Variants in SUMF1 observed in about 807,000 individuals in gnomAD.
The protein encoded by SUMF1 is formylglycine-generating enzyme.
A neutral mutation model predicts 47.6 loss-of-function variants in SUMF1; 48 were observed. The observed-to-expected ratio is 1.01, with a 90% confidence interval of 0.80 to 1.28. The LOEUF is 1.28. Among genes scored for constraint, SUMF1 ranks in the 50% most tolerant of loss-of-function variants. The probability of loss-of-function intolerance (pLI) is 0.00; values close to 1 mark genes in which losing one functional copy is unlikely to be tolerated. For synonymous variants in SUMF1, 230 were observed against 192.1 expected (o/e 1.20, Z -1.63); for missense variants, 571 against 485.4 (o/e 1.18, Z -1.66).
chr3:4,046,278 G>T (rs375209110), intron 9 of SUMF1, among the ~76,000 whole-genome samples: 6 of 152,074 alleles, frequency 3.9e-5, no homozygotes, highest in Non-Finnish European at 7.4e-5. Flanking sequence ...AGAAGCTTTC[G>T]TACCTAAGAA....
intron 8 of SUMF1, among the ~76,000 whole-genome samples, chr3:4,149,472 C>T (rs563667090): frequency 1.3e-5 from 2 of 152,252 alleles, no homozygotes; most frequent in South Asian, 4.1e-4. Context: ...TCTACCACAT[C>T]CCCACATGGT....
intron 8 of SUMF1, among the ~76,000 whole-genome samples, chr3:4,212,290 C>T (rs1324460538): frequency 6.6e-6 from 1 of 152,116 alleles, no homozygotes; most frequent in Non-Finnish European, 1.5e-5. Flanking sequence ...AGGCAAACAG[C>T]ATCGGGAGTG....
chr3:4,337,887 G>C (rs1242666831), intron 8 of SUMF1, among the ~76,000 whole-genome samples: 3 of 146,660 alleles, frequency 2.0e-5, no homozygotes, highest in Non-Finnish European at 4.5e-5. Context: ...TTTCCTCTCA[G>C]TAATCACCTC....
exon 9 of SUMF1, chr3:4,068,668 C>T (rs1043253380): frequency 2.0e-5 from 9 of 452,278 alleles, no homozygotes; most frequent in Non-Finnish European, 3.1e-5. Context: ...ATGAGAAGGC[C>T]TTCCACCTGC....
chr3:4,227,008 T>A (rs1360829982), intron 8 of SUMF1, among the ~76,000 whole-genome samples: 2 of 151,892 alleles, frequency 1.3e-5, no homozygotes, highest in African/African-American at 4.8e-5. Context: ...AACTTGGGAG[T>A]TTCCATTTCT....
rs548364230 is a variant in SUMF1 at position 4,041,482 on chromosome 3, T to G, written c.1191+27087A>C. ...AATACCCTTCAGAGAGCTTCAGCACTGCAATCCTGCTCAGGTGGAAACTTA... is the reference window on the plus strand; with the variant it reads ...AATACCCTTCAGAGAGCTTCAGCACGGCAATCCTGCTCAGGTGGAAACTTA... On this transcript the variant is annotated intron_variant and NMD_transcript_variant, in intron 9 of 12. Transcript: ENST00000448413. 2.3e-3 allele frequency among the ~76,000 whole-genome samples: 353 copies of G among 152,310 alleles called. 1 individual carries two copies. Among genetic ancestry groups the G allele is most frequent in the Non-Finnish European group, 4.0e-3 (272 of 68,030 alleles).
chr3:4,456,691 T>TGTGTATATATATAC (rs2079621185), intron 1 of SUMF1, among the ~76,000 whole-genome samples: 1 of 138,654 alleles, frequency 7.2e-6, no homozygotes, highest in African/African-American at 2.7e-5. Flanking sequence ...TATATATGTG[T>TGTGTATATATATAC]GTATATATAT....
chr3:4,292,354 G>C (rs762588370), intron 8 of SUMF1, among the ~76,000 whole-genome samples: 3 of 152,160 alleles, frequency 2.0e-5, no homozygotes, highest in Admixed American at 1.3e-4. Flanking sequence ...TTCAGTGTTG[G>C]TCTACACAAT....
At chr3:4,207,639 C>T (rs764986361) in intron 8 of SUMF1, among the ~76,000 whole-genome samples, 2 of 152,040 alleles carry the variant, frequency 1.3e-5, no homozygotes, top group Admixed American at 6.6e-5. Flanking sequence ...GTTAACCTTG[C>T]CATGTGAGGA....
At chr3:4,256,931 C>A (rs1284222480) in intron 8 of SUMF1, among the ~76,000 whole-genome samples, 2 of 125,220 alleles carry the variant, frequency 1.6e-5, no homozygotes, top group Non-Finnish European at 3.3e-5. Flanking sequence ...TGGGCTTCAT[C>A]CCTGGGATGC....
At chr3:4,132,513 C>T (rs529161306) in intron 8 of SUMF1, among the ~76,000 whole-genome samples, 17 of 152,080 alleles carry the variant, frequency 1.1e-4, no homozygotes, top group African/African-American at 1.4e-4. Flanking sequence ...CAGGATTCAT[C>T]GGTCCAGGTA....
At chr3:4,335,967 A>AAC (rs1373735525) in intron 8 of SUMF1, among the ~76,000 whole-genome samples, 155 of 143,876 alleles carry the variant, frequency 1.1e-3, no homozygotes, top group South Asian at 2.2e-3. Flanking sequence ...ACTCAAAAAA[A>AAC]AAAAAAAAAA....
intron 8 of SUMF1, among the ~76,000 whole-genome samples, chr3:4,102,350 T>C (rs956300770): frequency 1.3e-5 from 2 of 152,140 alleles, no homozygotes; most frequent in Admixed American, 6.5e-5. Context: ...AGTGCCAAAA[T>C]GGCCATCAAG....
rs1431896728 is a variant in SUMF1, at chr3:4,417,993, T to C, written c.725+17A>G. The C allele has an allele frequency of 1.2e-6, 2 of 1,613,496 alleles. No homozygotes were observed. Among genetic ancestry groups the C allele is most frequent in the South Asian group, 2.2e-5 (2 of 91,060 alleles). ...ATGACCAACATATTGTCAGGCAAAA[T>C]GAGATCCTCTAAATACCTATTATGC... On this transcript the variant is annotated intron_variant, in intron 5 of 8. Transcript: ENST00000272902.
intron 8 of SUMF1, among the ~76,000 whole-genome samples, chr3:4,096,641 G>C (rs1205618345): frequency 6.6e-6 from 1 of 152,086 alleles, no homozygotes; most frequent in African/African-American, 2.4e-5. Flanking sequence ...AGATTATCAT[G>C]ATAGCCATGG....
rs770091674 is a variant in SUMF1, at chr3:4,335,960, C to CAAAAAAAAAAAAAAA, written c.1014+40355_1014+40369dup. Among the ~76,000 whole-genome samples, 161 of 73,850 alleles carry CAAAAAAAAAAAAAAA rather than the reference C, an allele frequency of 2.2e-3. 12 individuals are homozygous for CAAAAAAAAAAAAAAA. Among genetic ancestry groups the CAAAAAAAAAAAAAAA allele is most frequent in the African/African-American group, 7.0e-3 (98 of 14,066 alleles). 48.4% of individuals were successfully genotyped at this position (73,850 alleles called of 152,430 possible). ...TGGACAACTGAGTGAGATTCCAACT[C>CAAAAAAAAAAAAAAA]AAAAAAAAAAAAAAAAAAAACAGAA... On this transcript the variant is annotated intron_variant and NMD_transcript_variant, in intron 8 of 12. Transcript: ENST00000448413.
intron 9 of SUMF1, among the ~76,000 whole-genome samples, chr3:4,048,461 G>A (rs1032383922): frequency 1.3e-5 from 2 of 152,096 alleles, no homozygotes; most frequent in South Asian, 2.1e-4. Context: ...TTAAACCCAG[G>A]TCTGCTTGAT....
chr3:4,122,608 G>A lies in SUMF1; in HGVS notation c.1015-53863C>T, dbSNP rs1693570727. ...TCATGTCCACTGATATGAGAAAACT[G>A]GACATAGGGATGAAGGAAAAGGAGC... On this transcript the variant is annotated intron_variant and NMD_transcript_variant, in intron 8 of 12. Coordinates refer to the SUMF1 transcript ENST00000448413. Among the ~76,000 whole-genome samples, 8 of 152,136 alleles carry A rather than the reference G, an allele frequency of 5.3e-5. No homozygotes were observed. In the South Asian group the frequency reaches 1.7e-3, roughly 32 times the overall value.
At chr3:4,056,836 G>C (rs1695200395) in intron 9 of SUMF1, among the ~76,000 whole-genome samples, 2 of 151,994 alleles carry the variant, frequency 1.3e-5, no homozygotes, top group African/African-American at 4.8e-5. Flanking sequence ...CTACCTCCCA[G>C]GTTCACGCCA....
Sources: gnomAD v4.1 joint callset for allele counts (sites outside exome capture counted in the v4.1 genomes callset) on GRCh38, gnomAD v4.1.1 for gene constraint, MANE v1.5 for transcripts, NCBI Gene and HGNC (gene_info 2026-07-23, HGNC 2026-07-21) for gene names.